The following ACVR1C variants were observed in gnomAD, a reference collection of about 807,000 sequenced individuals.
The protein encoded by ACVR1C is activin A receptor type 1C, also known as activin receptor type-1C.
A neutral mutation model predicts 57.9 loss-of-function variants in ACVR1C; 23 were observed. That is an observed-to-expected ratio of 0.40 (90% confidence interval 0.29 to 0.56). The LOEUF is 0.56. ACVR1C is among the 20% of genes least tolerant of loss of function. The pLI, the probability that ACVR1C is intolerant of heterozygous loss-of-function variation, is 0.50. For synonymous variants in ACVR1C, 214 were observed against 215.3 expected, an observed-to-expected ratio of 0.99 and a Z score of 0.05; for missense variants, 480 against 607.9, an observed-to-expected ratio of 0.79 and a Z score of 2.21.
rs931378119 is a variant in ACVR1C at position 157,529,397 on chromosome 2, C to T, written c.*4521G>A. ...GTGAGTAAATTATTTTAGTAGAAAC[C>T]CAAAGAAAAGTGGGATTTTATCATC... On this transcript the variant is annotated 3_prime_UTR_variant, in exon 9 of 9. Coordinates refer to ENST00000243349, the MANE Select transcript of ACVR1C (RefSeq NM_145259.3). 1 of 151,914 alleles carries T rather than the reference C, an allele frequency of 6.6e-6. No homozygotes were observed. Among genetic ancestry groups the T allele is most frequent in the African/African-American group, 2.4e-5 (1 of 41,358 alleles). The allele number at this position is 151,914 out of a possible 1,614,324, so 9.4% of individuals were successfully genotyped here. A position where few individuals can be genotyped will look rare whatever the true frequency, so the allele number is the denominator to read the frequency against.
chr2:157,563,337 G>C (rs138613218), intron 2 of ACVR1C, among the ~76,000 whole-genome samples: 2 of 152,076 alleles, frequency 1.3e-5, no homozygotes, highest in Non-Finnish European at 2.9e-5. Context: ...GACAAGCAGA[G>C]AGCCAAATTA....
intron 2 of ACVR1C, among the ~76,000 whole-genome samples, chr2:157,565,858 T>A (rs1688356863): frequency 6.6e-6 from 1 of 152,198 alleles, no homozygotes; most frequent in Admixed American, 6.5e-5. Flanking sequence ...AGGCTGCAAA[T>A]CTTCTTTTAT....
At position 157,554,323 on chromosome 2, in the gene ACVR1C, AAAAG is replaced by A. The variant is rs200094483; in HGVS notation, c.544+1766_544+1769del. ...AAAGAAAGAAAGGAAAAGAAAAAGAAAAAGAAAGAGAAAGAGAGAAAGAAAGAAA... is the reference window on the plus strand; with the variant it reads ...AAAGAAAGAAAGGAAAAGAAAAAGAAAAAGAGAAAGAGAGAAAGAAAGAAA... On this transcript the variant is annotated intron_variant, in intron 3 of 8. Coordinates refer to ENST00000243349, the MANE Select transcript of ACVR1C (RefSeq NM_145259.3). Among the ~76,000 whole-genome samples the A allele has an allele frequency of 4.2e-3, 621 of 147,900 alleles. 13 individuals are homozygous for A. Among genetic ancestry groups the A allele is most frequent in the South Asian group, 0.023 (103 of 4,552 alleles).
At chr2:157,557,563 G>A (rs1688134274) in intron 2 of ACVR1C, among the ~76,000 whole-genome samples, 1 of 152,074 alleles carries the variant, frequency 6.6e-6, no homozygotes, top group African/African-American at 2.4e-5. Flanking sequence ...TTCGGGAGAG[G>A]AAGAAGTTTG....
At position 157,533,800 on chromosome 2, in the gene ACVR1C, A is replaced by C; in HGVS notation, c.*118T>G. 9.5e-7 allele frequency: 1 copy of C among 1,047,184 alleles called. No individual in the cohort carries two copies. The highest frequency in any genetic ancestry group is 1.3e-6 in the Non-Finnish European group (1 of 785,606). 64.9% of individuals were successfully genotyped at this position (1,047,184 alleles called of 1,614,324 possible). A position where few individuals can be genotyped will look rare whatever the true frequency, so the allele number is the denominator to read the frequency against. On this transcript the variant is annotated 3_prime_UTR_variant, in exon 9 of 9. Coordinates refer to ENST00000243349, the MANE Select transcript of ACVR1C (RefSeq NM_145259.3). Reference sequence around the variant, plus strand: ...TTTCATGCTGCCTTATGGGCACTTAAATACTGTACTGTCTTATCTTTGAGG... The same window carrying C: ...TTTCATGCTGCCTTATGGGCACTTACATACTGTACTGTCTTATCTTTGAGG...
intron 3 of ACVR1C, among the ~76,000 whole-genome samples, chr2:157,554,270 A>AGAAAGAAAGAAG (rs1558975131): frequency 1.1e-4 from 15 of 136,898 alleles, no homozygotes; most frequent in Non-Finnish European, 2.1e-4. Flanking sequence ...AAAGAAAGAA[A>AGAAAGAAAGAAG]GGAAGGAAGG....
intron 1 of ACVR1C, among the ~76,000 whole-genome samples, chr2:157,608,767 T>C (rs1682464158): frequency 6.6e-6 from 1 of 151,952 alleles, no homozygotes. Context: ...TACTTTATAG[T>C]TGTTCATAAC....
intron 3 of ACVR1C, 115 bp downstream of exon 3, chr2:157,555,978 T>C (rs1688089122): frequency 2.4e-6 from 3 of 1,235,206 alleles, no homozygotes; most frequent in South Asian, 1.6e-5. Flanking sequence ...GAGCTCACCA[T>C]GTATCCTTTC....
At position 157,529,929 on chromosome 2, in the gene ACVR1C, T is replaced by C. The variant is rs1226609760; in HGVS notation, c.*3989A>G. 6.6e-6 allele frequency: 1 copy of C among 152,058 alleles called. No individual in the cohort carries two copies. Among genetic ancestry groups the C allele is most frequent in the Non-Finnish European group, 1.5e-5 (1 of 67,962 alleles). The allele number at this position is 152,058 out of a possible 1,614,324, so 9.4% of individuals were successfully genotyped here. A position where few individuals can be genotyped will look rare whatever the true frequency, so the allele number is the denominator to read the frequency against. ...TACATTCCAATTAACTTTTTTGTTA[T>C]TTAGAAGCAGCTCTCAAGATAAAAG... is the stretch of plus-strand genomic sequence containing the variant. On this transcript the variant is annotated 3_prime_UTR_variant, in exon 9 of 9. Coordinates refer to ENST00000243349, the MANE Select transcript of ACVR1C (RefSeq NM_145259.3).
chr2:157,596,475 G>A (rs1259945449), intron 1 of ACVR1C, among the ~76,000 whole-genome samples: 3 of 151,970 alleles, frequency 2.0e-5, no homozygotes, highest in African/African-American at 4.8e-5. Flanking sequence ...ATATTACTCC[G>A]TGGAGTTTTA....
intron 4 of ACVR1C, among the ~76,000 whole-genome samples, chr2:157,545,220 A>G (rs1573907571): frequency 6.6e-6 from 1 of 152,326 alleles, no homozygotes; most frequent in African/African-American, 2.4e-5. Flanking sequence ...CTTTTAGAAA[A>G]GAAATTACTC....
chr2:157,582,522 A>T (rs1484564849), intron 2 of ACVR1C, among the ~76,000 whole-genome samples: 2 of 152,222 alleles, frequency 1.3e-5, no homozygotes, highest in Non-Finnish European at 2.9e-5. Flanking sequence ...TCCATTCAAG[A>T]TTTTAAAGAG....
intron 3 of ACVR1C, among the ~76,000 whole-genome samples, chr2:157,552,197 A>C (rs1206727249): frequency 6.6e-6 from 1 of 152,118 alleles, no homozygotes; most frequent in East Asian, 1.9e-4. Context: ...CAGTGGCATG[A>C]TCTCAGCTCA....
intron 2 of ACVR1C, among the ~76,000 whole-genome samples, chr2:157,578,771 T>C (rs1326808371): frequency 6.6e-6 from 1 of 152,220 alleles, no homozygotes; most frequent in Non-Finnish European, 1.5e-5. Flanking sequence ...CTGTTTCTCT[T>C]TTCACTTCTT....
Position 157,527,965 on chromosome 2 carries a change from A to G in ACVR1C, c.*5953T>C, listed in dbSNP as rs1305505078. The G allele has an allele frequency of 6.6e-6, 1 of 152,178 alleles. No homozygotes were observed. Among genetic ancestry groups the G allele is most frequent in the East Asian group, 1.9e-4 (1 of 5,200 alleles). The allele number at this position is 152,178 out of a possible 1,614,324, so 9.4% of individuals were successfully genotyped here. On this transcript the variant is annotated 3_prime_UTR_variant, in exon 9 of 9. Transcript: ENST00000243349. Reference sequence around the variant, plus strand: ...TGGGTTGAAAAATTAAACCAACATGATAAACAATCAATTTCTCTTCTCTCA... The same window carrying G: ...TGGGTTGAAAAATTAAACCAACATGGTAAACAATCAATTTCTCTTCTCTCA...
chr2:157,615,667 T>C (rs1682629972), intron 1 of ACVR1C, among the ~76,000 whole-genome samples: 2 of 152,170 alleles, frequency 1.3e-5, no homozygotes, highest in African/African-American at 4.8e-5. Context: ...TTCTTATTTA[T>C]TGGAAAATGT....
intron 3 of ACVR1C, among the ~76,000 whole-genome samples, chr2:157,550,957 T>G (rs943350735): frequency 2.0e-5 from 3 of 151,948 alleles, no homozygotes; most frequent in African/African-American, 7.2e-5. Flanking sequence ...AAAAAAAAAT[T>G]TTCAAAGAAA....
chr2:157,620,652 A>G (rs545850367), intron 1 of ACVR1C, among the ~76,000 whole-genome samples: 67 of 152,288 alleles, frequency 4.4e-4, no homozygotes, highest in South Asian at 2.3e-3. Flanking sequence ...TTTATGGGAT[A>G]CAATGTGATG....
intron 3 of ACVR1C, among the ~76,000 whole-genome samples, chr2:157,554,404 T>G: frequency 2.8e-5 from 4 of 141,616 alleles, no homozygotes; most frequent in African/African-American, 7.9e-5. Context: ...AGGAAGGAGA[T>G]GAAGGAAGGA....
Sources: allele counts gnomAD v4.1 joint callset (sites outside exome capture counted in the v4.1 genomes callset), GRCh38; gene constraint gnomAD v4.1.1; transcripts MANE v1.5; gene names NCBI Gene and HGNC (gene_info 2026-07-23, HGNC 2026-07-21).